SRF: variants seen among roughly 807,000 people sequenced by gnomAD.
SRF encodes c-fos serum response element-binding transcription factor.
SRF carries 7 observed loss-of-function variants against 37.1 expected under a neutral mutation model. The observed-to-expected ratio is 0.19, with a 90% CI of 0.11 to 0.35. SRF has a LOEUF of 0.35. SRF is among the 10% of genes least tolerant of loss of function. SRF has a pLI of 1.00. For missense variants in SRF, 395 were observed against 694.4 expected (o/e 0.57, Z 4.85); for synonymous variants, 285 against 310.1 (o/e 0.92, Z 0.85).
intron 2 of SRF, among the ~76,000 whole-genome samples, 190 bp downstream of exon 2, chr6:43,174,303 C>T (rs1282732002): frequency 1.3e-5 from 2 of 152,186 alleles, no homozygotes; most frequent in Non-Finnish European, 2.9e-5. Context: ...GGGCGGCCTC[C>T]GTGCCCATAT....
rs947363106 is a variant in SRF, at chr6:43,171,805, G to A, written c.149G>A (p.Gly50Glu). 1.6e-6 allele frequency: 2 copies of A among 1,223,744 alleles called. No individual in the cohort carries two copies. The highest frequency in any genetic ancestry group is 3.1e-5 in the African/African-American group (2 of 63,772). 75.8% of individuals were successfully genotyped at this position (1,223,744 alleles called of 1,614,324 possible). The change falls in exon 1 of 7, where the codon GGG becomes GAG. Residue 50 changes from glycine to glutamate, a missense_variant. By Grantham distance (98) the Gly-to-Glu change is moderately conservative. Around this residue, in one of 4 missense-constraint regions of SRF, gnomAD observed 134 missense variants for 204.5 expected, o/e 0.66. Coordinates refer to ENST00000265354, the MANE Select transcript of SRF (RefSeq NM_003131.4). This position sits in a 1 kb window ranked among gnomAD's most constrained non-coding sequence, Gnocchi z 6.5. The stretch of plus-strand genomic sequence containing the variant: ...GGCCGGGTCCCCGGGAATGGCGCGG[G>A]GCTCGGGCCCGGCCGCCTGGAGCGG... ...NGGRVPGNGA[G>E]LGPGRLEREA...
At position 43,179,272 on chromosome 6, in the gene SRF, C is replaced by T. The variant is rs939102111; in HGVS notation, c.*82C>T. The T allele has an allele frequency of 1.8e-5, 26 of 1,451,288 alleles. No individual in the cohort carries two copies. Among genetic ancestry groups the T allele is most frequent in the South Asian group, 3.6e-5 (3 of 83,354 alleles). The allele number at this position is 1,451,288 out of a possible 1,614,324, so 89.9% of individuals were successfully genotyped here. On this transcript the variant is annotated 3_prime_UTR_variant, in exon 7 of 7. Transcript: ENST00000265354. The surrounding 1 kb of genome is among the most constrained non-coding windows in gnomAD (Gnocchi z 5.3). ...CCTTTTCACGTTTTCTTTACACACA[C>T]GTTGACGGGCCGCAGGAGGGAGGCG...
rs1325501188 is a variant in SRF, at chr6:43,172,052, C to T, written c.396C>T (p.Ser132=). 6.2e-7 allele frequency: 1 copy of T among 1,605,852 alleles called. No homozygotes were observed. The highest frequency in any genetic ancestry group is 2.3e-5 in the East Asian group (1 of 44,290). The change falls in exon 1 of 7, where the codon AGC becomes AGT. Residue 132 remains serine, a synonymous_variant. Transcript: ENST00000265354. This position sits in a 1 kb window ranked among gnomAD's most constrained non-coding sequence, Gnocchi z 5.7. The stretch of plus-strand genomic sequence containing the variant: ...ACGGGCCGGTGAGCGGCGCGGTGAG[C>T]GGGGCCAAGCCGGGTAAGAAGACCC... ...GGYGPVSGAV[S]GAKPGKKTRG...
rs1254898203 is a variant in SRF, at chr6:43,176,102, C to T, written c.1042+135C>T. The T allele has an allele frequency of 1.0e-5, 13 of 1,272,556 alleles. No homozygotes were observed. Among genetic ancestry groups the T allele is most frequent in the East Asian group, 2.5e-5 (1 of 39,584 alleles). The allele number at this position is 1,272,556 out of a possible 1,614,324, so 78.8% of individuals were successfully genotyped here. ...AGGTGAATAGGGGCCAGAGCCTGAG[C>T]GAAGCCTCTTATATCCCGTTGGCAG... On this transcript the variant is annotated intron_variant, in intron 3 of 6. Coordinates refer to ENST00000265354, the MANE Select transcript of SRF (RefSeq NM_003131.4). The surrounding 1 kb of genome is among the most constrained non-coding windows in gnomAD (Gnocchi z 4.0).
In SRF at chr6:43,172,181, G is replaced by T. The variant is rs553532380; in HGVS notation, c.513+12G>T. 6.2e-7 allele frequency: 1 copy of T among 1,606,652 alleles called. No individual in the cohort carries two copies. Among genetic ancestry groups the T allele is most frequent in the African/African-American group, 1.3e-5 (1 of 74,992 alleles). On this transcript the variant is annotated intron_variant, in intron 1 of 6. Transcript: ENST00000265354. The surrounding 1 kb of genome is among the most constrained non-coding windows in gnomAD (Gnocchi z 5.7). ...GCATCATGAAGAAGGTACCAAGCCGGGGGGCTGGCCGGCCCCGGGGCCCGG... is the reference window on the plus strand; with the variant it reads ...GCATCATGAAGAAGGTACCAAGCCGTGGGGCTGGCCGGCCCCGGGGCCCGG...
rs374097824 is a variant in SRF, at chr6:43,178,419, G to A, written c.1288G>A (p.Val430Met). 38 of 1,613,976 alleles carry A rather than the reference G, an allele frequency of 2.4e-5. No homozygotes were observed. Among genetic ancestry groups the A allele is most frequent in the Non-Finnish European group, 3.0e-5 (35 of 1,180,044 alleles). Residue 430 changes from valine (V) to methionine (M), a missense_variant, in exon 5 of 7, where the codon GTG becomes ATG. Physicochemically the swap from Val to Met is conservative, Grantham distance 21 (BLOSUM62 1). Coordinates refer to ENST00000265354, the MANE Select transcript of SRF (RefSeq NM_003131.4). This position sits in a 1 kb window ranked among gnomAD's most constrained non-coding sequence, Gnocchi z 4.3. Reference sequence around the variant, plus strand: ...GGGCCTGGGTGATGGCAGCCTCACCGTGCTGAATGCCTTCTCCCAGGCACC... The same window carrying A: ...GGGCCTGGGTGATGGCAGCCTCACCATGCTGAATGCCTTCTCCCAGGCACC... ...TSGLGDGSLT[V>M]LNAFSQAPST... is the part of the protein sequence containing the mutation.
rs1192782618 is a variant in SRF at position 43,172,627 on chromosome 6, G to GT, written c.513+459dup. ...CTGCATGACAACAATGAGCGAACATGTGTGGGAGGAAGTGGGCACCACGAG... is the reference window on the plus strand; with the variant it reads ...CTGCATGACAACAATGAGCGAACATGTTGTGGGAGGAAGTGGGCACCACGAG... On this transcript the variant is annotated intron_variant, in intron 1 of 6. Coordinates refer to ENST00000265354, the MANE Select transcript of SRF (RefSeq NM_003131.4). This position sits in a 1 kb window ranked among gnomAD's most constrained non-coding sequence, Gnocchi z 5.7. Among the ~76,000 whole-genome samples, 1 of 152,228 alleles carries GT rather than the reference G, an allele frequency of 6.6e-6. No individual in the cohort carries two copies. The highest frequency in any genetic ancestry group is 2.4e-5 in the African/African-American group (1 of 41,456).
intron 4 of SRF, among the ~76,000 whole-genome samples, chr6:43,177,964 T>C (rs1772236941): frequency 6.7e-6 from 1 of 148,832 alleles, no homozygotes; most frequent in African/African-American, 2.5e-5. Flanking sequence ...AAAAATAAGA[T>C]GTTAGAGCTC....
rs756209842 is a variant in SRF at position 43,175,744 on chromosome 6, G to C, written c.819G>C (p.Pro273=). The change falls in exon 3 of 7, where the codon CCG becomes CCC. Residue 273 remains proline, a synonymous_variant. Transcript: ENST00000265354. The part of the protein sequence containing the change: ...LKPAFTVTNL[P]GTTSTIQTAP... ...CGGCGTTCACAGTCACCAACCTGCC[G>C]GGTACAACCTCCACCATCCAAACAG... 6.2e-7 allele frequency: 1 copy of C among 1,614,138 alleles called. No homozygotes were observed. Among genetic ancestry groups the C allele is most frequent in the Non-Finnish European group, 8.5e-7 (1 of 1,180,026 alleles).
Position 43,176,765 on chromosome 6 carries a change from G to C in SRF, c.1162+98G>C, listed in dbSNP as rs981454529. ...AACCCTCCTGTAACTAAAGTCAGGG[G>C]ATTTCTTAAAGTGGAGATTGAGGCT... On this transcript the variant is annotated intron_variant, in intron 4 of 6. Coordinates refer to ENST00000265354, the MANE Select transcript of SRF (RefSeq NM_003131.4). This position sits in a 1 kb window ranked among gnomAD's most constrained non-coding sequence, Gnocchi z 4.0. 2 of 1,499,324 alleles carry C rather than the reference G, an allele frequency of 1.3e-6. No homozygotes were observed. The highest frequency in any genetic ancestry group is 1.8e-6 in the Non-Finnish European group (2 of 1,108,352). 92.9% of individuals were successfully genotyped at this position (1,499,324 alleles called of 1,614,324 possible).
At position 43,176,601 on chromosome 6, in the gene SRF, C is replaced by T. The variant is rs765475250; in HGVS notation, c.1096C>T (p.Pro366Ser). The T allele has an allele frequency of 1.2e-6, 2 of 1,614,156 alleles. No homozygotes were observed. Among genetic ancestry groups the T allele is most frequent in the Non-Finnish European group, 1.7e-6 (2 of 1,180,032 alleles). Residue 366 changes from proline to serine, a missense_variant, in exon 4 of 7, where the codon CCA (proline) becomes TCA (serine). Physicochemically the swap from Pro to Ser is moderately conservative, Grantham distance 74. Transcript: ENST00000265354. This position sits in a 1 kb window ranked among gnomAD's most constrained non-coding sequence, Gnocchi z 4.0. ...GCAGGCCATTCAAGTGCACCAGGCC[C>T]CACAGCAAGCGTCTCCCTCCCGTGA... ...PVQAIQVHQA[P>S]QQASPSRDSS...
rs377617547 is a variant in SRF at position 43,172,284 on chromosome 6, AG to A, written c.513+117del. ...AGGTGAGAGGCTGCGAGTCCGCAGG[AG>A]GTGTGTGGGAGGGGATGGCTCCTGC... On this transcript the variant is annotated intron_variant, in intron 1 of 6. Coordinates refer to ENST00000265354, the MANE Select transcript of SRF (RefSeq NM_003131.4). This position sits in a 1 kb window ranked among gnomAD's most constrained non-coding sequence, Gnocchi z 5.7. 3.9e-4 allele frequency: 502 copies of A among 1,280,182 alleles called. 3 individuals are homozygous for A. The African/African-American group carries it at 6.6e-3, about 17-fold the overall frequency. The allele number at this position is 1,280,182 out of a possible 1,614,324, so 79.3% of individuals were successfully genotyped here. A position where few individuals can be genotyped will look rare whatever the true frequency, so the allele number is the denominator to read the frequency against.
At chr6:43,175,583 A>G in intron 2 of SRF, 123 bp from the exon 3 acceptor site, 7 of 1,272,582 alleles carry the variant, frequency 5.5e-6, no homozygotes, top group Non-Finnish European at 6.7e-6. Context: ...CATCAGGTAA[A>G]TGGTGGCGTT....
rs563661816 is a variant in SRF, at chr6:43,178,002, A to C, written c.1163-292A>C. Among the ~76,000 whole-genome samples the C allele has an allele frequency of 6.6e-6, 1 of 151,938 alleles. No individual in the cohort carries two copies. Among genetic ancestry groups the C allele is most frequent in the African/African-American group, 2.4e-5 (1 of 41,358 alleles). On this transcript the variant is annotated intron_variant, in intron 4 of 6. Transcript: ENST00000265354. This position sits in a 1 kb window ranked among gnomAD's most constrained non-coding sequence, Gnocchi z 4.3. ...AAAAGGGGAGTATCTGAGTTTTCTG[A>C]GAGTAGGTCAGTCATAATCTTTGTT...
Position 43,178,163 on chromosome 6 carries a change from G to A in SRF, c.1163-131G>A. ...GCTTTTCTTAGTTGATGATGGAGCT[G>A]AGGAATAGTCGTGTCTAGCTTCTGA... On this transcript the variant is annotated intron_variant, in intron 4 of 6. Transcript: ENST00000265354. The surrounding 1 kb of genome is among the most constrained non-coding windows in gnomAD (Gnocchi z 4.3). The A allele has an allele frequency of 1.2e-6, 1 of 845,830 alleles. No individual in the cohort carries two copies. 52.4% of individuals were successfully genotyped at this position (845,830 alleles called of 1,614,324 possible).
In SRF at chr6:43,172,460, C is replaced by T; in HGVS notation, c.513+291C>T. 1 of 985,156 alleles carries T rather than the reference C, an allele frequency of 1.0e-6. No individual in the cohort carries two copies. Among genetic ancestry groups the T allele is most frequent in the Non-Finnish European group, 1.2e-6 (1 of 829,828 alleles). 61.0% of individuals were successfully genotyped at this position (985,156 alleles called of 1,614,324 possible). A position where few individuals can be genotyped will look rare whatever the true frequency, so the allele number is the denominator to read the frequency against. On this transcript the variant is annotated intron_variant, in intron 1 of 6. Transcript: ENST00000265354. This position sits in a 1 kb window ranked among gnomAD's most constrained non-coding sequence, Gnocchi z 5.7. ...CCTTGCTGAGTGAAGGGGTGAGGAG[C>T]GGTGATGGGAGGCTACGAGGCTGCC...
chr6:43,178,922 T>C lies in SRF; in HGVS notation c.1431+40T>C, dbSNP rs201994269. The C allele has an allele frequency of 3.7e-6, 6 of 1,606,196 alleles. No individual in the cohort carries two copies. In the African/African-American group the frequency reaches 6.7e-5, roughly 18 times the overall value. ...CTTTCACCCCATCCCAGATAGCCAC[T>C]TCTTTGTCTTGACCTTAGGGGATCC... On this transcript the variant is annotated intron_variant, in intron 6 of 6. Transcript: ENST00000265354. This position sits in a 1 kb window ranked among gnomAD's most constrained non-coding sequence, Gnocchi z 4.3.
chr6:43,173,145 C>T lies in SRF; in HGVS notation c.514-702C>T, dbSNP rs1212629999. On this transcript the variant is annotated intron_variant, in intron 1 of 6. Transcript: ENST00000265354. The surrounding 1 kb of genome is among the most constrained non-coding windows in gnomAD (Gnocchi z 4.2). ...ATCTATGGGGCCATCCTTGAAGGTC[C>T]CCTTCCTGGGCTCATGGCAGGATGT... Among the ~76,000 whole-genome samples, 1 of 152,058 alleles carries T rather than the reference C, an allele frequency of 6.6e-6. No homozygotes were observed. Among genetic ancestry groups the T allele is most frequent in the Non-Finnish European group, 1.5e-5 (1 of 68,004 alleles).
rs112596376 is a variant in SRF, at chr6:43,178,534, TACACAC to T, written c.1354+63_1354+68del. The T allele has an allele frequency of 3.3e-6, 5 of 1,506,772 alleles. No individual in the cohort carries two copies. Among genetic ancestry groups the T allele is most frequent in the African/African-American group, 1.4e-5 (1 of 71,572 alleles). 93.3% of individuals were successfully genotyped at this position (1,506,772 alleles called of 1,614,324 possible). On this transcript the variant is annotated intron_variant, in intron 5 of 6. Transcript: ENST00000265354. The surrounding 1 kb of genome is among the most constrained non-coding windows in gnomAD (Gnocchi z 4.3). ...GAAAGGAGGACCGTTTCCTTCTTTATACACACACACACACACACATACACACACATA... is the reference window on the plus strand; with the variant it reads ...GAAAGGAGGACCGTTTCCTTCTTTATACACACACACACATACACACACATA...
Sources: gnomAD v4.1 joint callset for allele counts (sites outside exome capture counted in the v4.1 genomes callset) on GRCh38, gnomAD v4.1.1 for gene constraint, gnomAD v4.1.1 regional missense constraint, Gnocchi (gnomAD v3.1) non-coding constraint, MANE v1.5 for transcripts, NCBI Gene and HGNC (gene_info 2026-07-23, HGNC 2026-07-21) for gene names.